OR2M4: variants seen among roughly 807,000 people sequenced by gnomAD.
OR2M4 encodes the protein olfactory receptor family 2 subfamily M member 4, also known as olfactory receptor 2M4.
OR2M4 carries 8 observed loss-of-function variants against 13.7 expected under a neutral mutation model. The observed-to-expected ratio is 0.58, with a 90% CI of 0.34 to 1.05. The LOEUF (loss-of-function observed/expected upper bound fraction) is 1.05, where lower values mean the gene tolerates loss of function less well. Ranked by LOEUF, OR2M4 falls within the 50% of genes least tolerant of loss-of-function variation. OR2M4 has a pLI of 0.02. For missense variants in OR2M4, 374 were observed against 381.6 expected (o/e 0.98, Z 0.17); for synonymous variants, 152 against 141.3 (o/e 1.08, Z -0.53).
Position 248,239,013 on chromosome 1 carries a change from T to TC in OR2M4, c.86dup (p.Leu30SerfsTer82), listed in dbSNP as rs768406918. ...CAGTCCCACCCACACCTTCCTTTTT[T>TC]CTCTGGTCCTGGGCATCTTCTCACT... On this transcript the variant is annotated frameshift_variant, in exon 2 of 2. Coordinates refer to ENST00000641868, the MANE Select transcript of OR2M4 (RefSeq NM_017504.2). LOFTEE classifies it high-confidence loss of function. 2 of 1,614,074 alleles carry TC rather than the reference T, an allele frequency of 1.2e-6. No homozygotes were observed. The highest frequency in any genetic ancestry group is 1.7e-6 in the Non-Finnish European group (2 of 1,179,972).
chr1:248,239,903 A>T lies in OR2M4; in HGVS notation c.*39A>T, dbSNP rs1378526307. ...TTTTTGAGTGCCTACTGTGGTCAAC[A>T]CTCATTCAAAAAAACTGGAATCTCT... is the stretch of plus-strand genomic sequence containing the variant. On this transcript the variant is annotated 3_prime_UTR_variant, in exon 2 of 2. Coordinates refer to ENST00000641868, the MANE Select transcript of OR2M4 (RefSeq NM_017504.2). 7 of 1,270,486 alleles carry T rather than the reference A, an allele frequency of 5.5e-6. No individual in the cohort carries two copies. The highest frequency in any genetic ancestry group is 1.6e-5 in the South Asian group (1 of 63,600). 78.7% of individuals were successfully genotyped at this position (1,270,486 alleles called of 1,614,324 possible).
chr1:248,238,899 G>A lies in OR2M4; in HGVS notation c.-19-11G>A. 1 of 1,468,628 alleles carries A rather than the reference G, an allele frequency of 6.8e-7. No homozygotes were observed. Among genetic ancestry groups the A allele is most frequent in the East Asian group, 2.3e-5 (1 of 44,112 alleles). The allele number at this position is 1,468,628 out of a possible 1,614,324, so 91.0% of individuals were successfully genotyped here. ...TGATAAATAAGCTTGTACCTTCTTTGGAATTCTCAGATAAGGCAAATTATC... is the reference window on the plus strand; with the variant it reads ...TGATAAATAAGCTTGTACCTTCTTTAGAATTCTCAGATAAGGCAAATTATC... On this transcript the variant is annotated splice_polypyrimidine_tract_variant and intron_variant, in intron 1 of 1. Coordinates refer to ENST00000641868, the MANE Select transcript of OR2M4 (RefSeq NM_017504.2).
chr1:248,235,949 G>A (rs1241497339), intron 1 of OR2M4, among the ~76,000 whole-genome samples: 1 of 152,064 alleles, frequency 6.6e-6, no homozygotes, highest in Non-Finnish European at 1.5e-5. Context: ...TGCAAACAGA[G>A]ACAATTTGAC....
intron 1 of OR2M4, among the ~76,000 whole-genome samples, chr1:248,234,375 T>G (rs544472873): frequency 1.3e-5 from 2 of 152,200 alleles, no homozygotes; most frequent in African/African-American, 4.8e-5. Flanking sequence ...CATGGTGGTT[T>G]GCTGCACCTA....
In OR2M4 at chr1:248,240,635, C is replaced by T. The variant is rs1666609504; in HGVS notation, c.*771C>T. On this transcript the variant is annotated 3_prime_UTR_variant, in exon 2 of 2. Coordinates refer to ENST00000641868, the MANE Select transcript of OR2M4 (RefSeq NM_017504.2). ...TTCACATGCAAGGACAGCAATTTAA[C>T]AATAATCCATACACGAACAACACAT... 6.6e-6 allele frequency: 1 copy of T among 152,140 alleles called. No individual in the cohort carries two copies. Among genetic ancestry groups the T allele is most frequent in the African/African-American group, 2.4e-5 (1 of 41,420 alleles). 9.4% of individuals were successfully genotyped at this position (152,140 alleles called of 1,614,324 possible).
intron 1 of OR2M4, among the ~76,000 whole-genome samples, chr1:248,234,018 G>T (rs1666532095): frequency 1.3e-5 from 2 of 152,074 alleles, no homozygotes; most frequent in Admixed American, 6.5e-5. Flanking sequence ...TGATCTTCGG[G>T]CTCGCAGATC....
chr1:248,232,578 A>G (rs1051207207), intron 1 of OR2M4, among the ~76,000 whole-genome samples: 1 of 152,106 alleles, frequency 6.6e-6, no homozygotes, highest in Non-Finnish European at 1.5e-5. Context: ...CCTCTCACTT[A>G]GTCAAGTGCC....
rs1435361831 is a variant in OR2M4, at chr1:248,239,431, A to C, written c.503A>C (p.Tyr168Ser). The change falls in exon 2 of 2, where the codon TAC (tyrosine) becomes TCC (serine). Residue 168 changes from tyrosine (Y) to serine (S), a missense_variant. Coordinates refer to ENST00000641868, the MANE Select transcript of OR2M4 (RefSeq NM_017504.2). ...CTTGCAGCTGTCCTGTCATTTTCTT[A>C]CTGCAGCTCTCTGGAAATTCATCAC... ...IVLAAVLSFS[Y>S]CSSLEIHHFF... 2 of 1,613,742 alleles carry C rather than the reference A, an allele frequency of 1.2e-6. No individual in the cohort carries two copies. Among genetic ancestry groups the C allele is most frequent in the Non-Finnish European group, 1.7e-6 (2 of 1,179,968 alleles).
rs193163555 is a variant in OR2M4, at chr1:248,240,457, A to C, written c.*593A>C. ...ATGTGTGTGATCTTTATGCTAATAA[A>C]ATTAAATATTTTAAGGAGTCCACAT... On this transcript the variant is annotated 3_prime_UTR_variant, in exon 2 of 2. Transcript: ENST00000641868. 6.6e-6 allele frequency: 1 copy of C among 152,352 alleles called. No individual in the cohort carries two copies. Among genetic ancestry groups the C allele is most frequent in the Admixed American group, 6.5e-5 (1 of 15,304 alleles). The allele number at this position is 152,352 out of a possible 1,614,324, so 9.4% of individuals were successfully genotyped here.
chr1:248,240,887 A>G lies in OR2M4; in HGVS notation c.*1023A>G, dbSNP rs1048190913. 1 of 152,268 alleles carries G rather than the reference A, an allele frequency of 6.6e-6. No homozygotes were observed. The highest frequency in any genetic ancestry group is 1.5e-5 in the Non-Finnish European group (1 of 68,100). 9.4% of individuals were successfully genotyped at this position (152,268 alleles called of 1,614,324 possible). A position where few individuals can be genotyped will look rare whatever the true frequency, so the allele number is the denominator to read the frequency against. ...GTGCTGTCCTGTAAGAGCAGAAAGGAAAACCAGATAAAATTCAGCTGATGC... is the reference window on the plus strand; with the variant it reads ...GTGCTGTCCTGTAAGAGCAGAAAGGGAAACCAGATAAAATTCAGCTGATGC... On this transcript the variant is annotated 3_prime_UTR_variant, in exon 2 of 2. Transcript: ENST00000641868.
At position 248,243,362 on chromosome 1, in the gene OR2M4, G is replaced by C. The variant is rs1402369630; in HGVS notation, c.*3498G>C. 6.6e-6 allele frequency: 1 copy of C among 152,144 alleles called. No homozygotes were observed. The highest frequency in any genetic ancestry group is 1.5e-5 in the Non-Finnish European group (1 of 68,046). The allele number at this position is 152,144 out of a possible 1,614,324, so 9.4% of individuals were successfully genotyped here. A position where few individuals can be genotyped will look rare whatever the true frequency, so the allele number is the denominator to read the frequency against. On this transcript the variant is annotated 3_prime_UTR_variant, in exon 2 of 2. Transcript: ENST00000641868. Reference sequence around the variant, plus strand: ...TCTTGATCGGCCACTTGGCTCTTTCGTGTTTCCTGGCATTCGCAGGCACGC... The same window carrying C: ...TCTTGATCGGCCACTTGGCTCTTTCCTGTTTCCTGGCATTCGCAGGCACGC...
chr1:248,236,725 A>C (rs1487070139), intron 1 of OR2M4, among the ~76,000 whole-genome samples: 9 of 152,186 alleles, frequency 5.9e-5, no homozygotes, highest in Non-Finnish European at 1.3e-4. Context: ...AAAAATGATA[A>C]AGGGGATATC....
intron 1 of OR2M4, among the ~76,000 whole-genome samples, chr1:248,236,110 C>T (rs1666554163): frequency 6.6e-6 from 1 of 152,124 alleles, no homozygotes; most frequent in East Asian, 1.9e-4. Context: ...TTTATCAGTG[C>T]CACATAGCAC....
At position 248,240,520 on chromosome 1, in the gene OR2M4, C is replaced by T. The variant is rs1666608377; in HGVS notation, c.*656C>T. 1 of 152,172 alleles carries T rather than the reference C, an allele frequency of 6.6e-6. No homozygotes were observed. Among genetic ancestry groups the T allele is most frequent in the South Asian group, 2.1e-4 (1 of 4,830 alleles). The allele number at this position is 152,172 out of a possible 1,614,324, so 9.4% of individuals were successfully genotyped here. On this transcript the variant is annotated 3_prime_UTR_variant, in exon 2 of 2. Coordinates refer to ENST00000641868, the MANE Select transcript of OR2M4 (RefSeq NM_017504.2). ...TGGGCTGCACAGTCAACATCTGTAT[C>T]ATGTCTGCTTTTATTCCTTATAATC...
chr1:248,241,152 T>G lies in OR2M4; in HGVS notation c.*1288T>G, dbSNP rs763556691. 1 of 152,104 alleles carries G rather than the reference T, an allele frequency of 6.6e-6. No homozygotes were observed. Among genetic ancestry groups the G allele is most frequent in the African/African-American group, 2.4e-5 (1 of 41,398 alleles). 9.4% of individuals were successfully genotyped at this position (152,104 alleles called of 1,614,324 possible). A position where few individuals can be genotyped will look rare whatever the true frequency, so the allele number is the denominator to read the frequency against. ...GCACGTGAACTACAGAGACAGCAGC[T>G]GGGGCAACTGAGGTTGTGCTGGCAT... On this transcript the variant is annotated 3_prime_UTR_variant, in exon 2 of 2. Transcript: ENST00000641868.
chr1:248,239,145 C>T lies in OR2M4; in HGVS notation c.217C>T (p.Leu73Phe). 7 of 1,613,890 alleles carry T rather than the reference C, an allele frequency of 4.3e-6. No homozygotes were observed. The highest frequency in any genetic ancestry group is 5.9e-6 in the Non-Finnish European group (7 of 1,179,836). ...TCAACTGTCCCTTATGGACCTCATG[C>T]TCATCTGCACCACTCTACCCAAGAT... ...LSQLSLMDLM[L>F]ICTTLPKMIF... is the part of the protein sequence containing the mutation. The change falls in exon 2 of 2, where the codon CTC becomes TTC. Residue 73 changes from leucine (L) to phenylalanine (F), a missense_variant. Coordinates refer to ENST00000641868, the MANE Select transcript of OR2M4 (RefSeq NM_017504.2).
Position 248,239,114 on chromosome 1 carries a change from C to T in OR2M4, c.186C>T (p.Leu62=). 1 of 1,614,046 alleles carries T rather than the reference C, an allele frequency of 6.2e-7. No homozygotes were observed. Among genetic ancestry groups the T allele is most frequent in the Non-Finnish European group, 8.5e-7 (1 of 1,179,952 alleles). ...EKQLHTPMYF[L]LSQLSLMDLM... The stretch of plus-strand genomic sequence containing the variant: ...AGCTCCACACCCCCATGTACTTCCT[C>T]CTCAGTCAACTGTCCCTTATGGACC... Residue 62 remains leucine (L), a synonymous_variant, in exon 2 of 2, where the codon CTC becomes CTT. Transcript: ENST00000641868.
At chr1:248,236,722 A>T (rs1431427645) in intron 1 of OR2M4, among the ~76,000 whole-genome samples, 1 of 152,208 alleles carries the variant, frequency 6.6e-6, no homozygotes, top group African/African-American at 2.4e-5. Flanking sequence ...ATAAAAAATG[A>T]TAAAGGGGAT....
intron 1 of OR2M4, among the ~76,000 whole-genome samples, chr1:248,237,982 T>C (rs914554566): frequency 3.9e-5 from 6 of 152,132 alleles, no homozygotes; most frequent in African/African-American, 1.4e-4. Flanking sequence ...AAAGAAGAAA[T>C]CAATTTTTTC....
Sources: allele counts gnomAD v4.1 joint callset (sites outside exome capture counted in the v4.1 genomes callset), GRCh38; gene constraint gnomAD v4.1.1; transcripts MANE v1.5; gene names NCBI Gene and HGNC (gene_info 2026-07-23, HGNC 2026-07-21).